HTR1F: variants seen among roughly 807,000 people sequenced by gnomAD.
HTR1F encodes the protein 5-hydroxytryptamine (serotonin) receptor 1F, G protein-coupled.
In HTR1F, 17 loss-of-function variants were observed where a neutral mutation model predicts 24.0. That is an observed-to-expected ratio of 0.71 (90% CI 0.48 to 1.06). The LOEUF (loss-of-function observed/expected upper bound fraction) is 1.06, where lower values mean the gene tolerates loss of function less well. HTR1F is among the 50% of genes least tolerant of loss of function. HTR1F has a pLI of 0.00. For missense variants in HTR1F, 391 were observed against 427.8 expected (o/e 0.91, Z 0.76); for synonymous variants, 186 against 156.8 (o/e 1.19, Z -1.39).
intron 2 of HTR1F, among the ~76,000 whole-genome samples, chr3:87,927,683 C>A (rs1270416630): frequency 6.6e-6 from 1 of 152,106 alleles, no homozygotes; most frequent in African/African-American, 2.4e-5. Flanking sequence ...ACCACCTCTA[C>A]AAATACCAAT....
At chr3:87,937,666 G>C (rs1704457833) in intron 2 of HTR1F, among the ~76,000 whole-genome samples, 1 of 152,152 alleles carries the variant, frequency 6.6e-6, no homozygotes, top group Non-Finnish European at 1.5e-5. Context: ...GCTCACGCCT[G>C]TAATCCCAGC....
intron 2 of HTR1F, among the ~76,000 whole-genome samples, chr3:87,927,440 C>G (rs115480408): frequency 3.3e-5 from 5 of 151,990 alleles, no homozygotes; most frequent in South Asian, 4.1e-4. Context: ...AAGAAGTGCA[C>G]GTAATACAGA....
intron 2 of HTR1F, among the ~76,000 whole-genome samples, chr3:87,944,040 C>A (rs545165563): frequency 1.3e-5 from 2 of 152,292 alleles, no homozygotes; most frequent in South Asian, 4.1e-4. Context: ...GGGTGCGTAA[C>A]CACCCATGGA....
At chr3:87,951,789 A>G (rs1460080865) in intron 2 of HTR1F, among the ~76,000 whole-genome samples, 2 of 152,072 alleles carry the variant, frequency 1.3e-5, no homozygotes, top group African/African-American at 4.8e-5. Flanking sequence ...TATCATACAG[A>G]GTAGTTTCAC....
At chr3:87,834,235 G>A (rs892370200) in intron 2 of HTR1F, among the ~76,000 whole-genome samples, 2 of 152,114 alleles carry the variant, frequency 1.3e-5, no homozygotes, top group Non-Finnish European at 2.9e-5. Flanking sequence ...AAGATACTGT[G>A]TGTGTATTCA....
chr3:87,850,913 T>G (rs138587930), intron 2 of HTR1F, among the ~76,000 whole-genome samples: 58 of 151,742 alleles, frequency 3.8e-4, no homozygotes, highest in African/African-American at 1.2e-3. Flanking sequence ...TTCATCACAG[T>G]TTTTTATTTA....
At chr3:87,793,956 G>A (rs1703859481) in intron 1 of HTR1F, among the ~76,000 whole-genome samples, 2 of 125,578 alleles carry the variant, frequency 1.6e-5, no homozygotes, top group African/African-American at 6.0e-5. Flanking sequence ...AAATTTTAGT[G>A]GATATGCTAT....
chr3:87,991,156 C>T lies in HTR1F; in HGVS notation c.407C>T (p.Thr136Ile). The T allele has an allele frequency of 6.2e-7, 1 of 1,614,016 alleles. No homozygotes were observed. The highest frequency in any genetic ancestry group is 8.5e-7 in the Non-Finnish European group (1 of 1,179,992). Residue 136 changes from threonine to isoleucine, a missense_variant, in exon 3 of 3, where the codon ACT (threonine) becomes ATT (isoleucine). Coordinates refer to ENST00000319595, the MANE Select transcript of HTR1F (RefSeq NM_001322209.2). ...TDAVEYARKRTPKHAGIMITI... is the reference protein window; with the variant it reads ...TDAVEYARKRIPKHAGIMITI... ...GCTGTTGAGTATGCCAGGAAAAGGA[C>T]TCCAAAGCATGCTGGCATTATGATT...
chr3:87,795,952 AT>A (rs1361829198), intron 1 of HTR1F, among the ~76,000 whole-genome samples: 6 of 152,170 alleles, frequency 3.9e-5, no homozygotes, highest in Non-Finnish European at 8.8e-5. Context: ...CTCAGAAGTA[AT>A]ATGTGTCCAT....
intron 2 of HTR1F, among the ~76,000 whole-genome samples, chr3:87,962,706 C>A (rs1705087724): frequency 6.6e-6 from 1 of 151,880 alleles, no homozygotes; most frequent in African/African-American, 2.4e-5. Context: ...TTGTACTCTT[C>A]AGTTTTATAT....
intron 2 of HTR1F, among the ~76,000 whole-genome samples, chr3:87,843,762 G>A (rs1453875860): frequency 1.3e-5 from 2 of 148,804 alleles, no homozygotes; most frequent in African/African-American, 5.0e-5. Context: ...CCACCTATGA[G>A]TGAGAATATG....
At chr3:87,803,289 T>C (rs1704023353) in intron 1 of HTR1F, among the ~76,000 whole-genome samples, 1 of 152,158 alleles carries the variant, frequency 6.6e-6, no homozygotes, top group South Asian at 2.1e-4. Flanking sequence ...ATTAAAATCC[T>C]GACAAACTTC....
chr3:87,856,548 T>G (rs1305774891), intron 2 of HTR1F, among the ~76,000 whole-genome samples: 1 of 152,164 alleles, frequency 6.6e-6, no homozygotes, highest in Non-Finnish European at 1.5e-5. Context: ...TTGTCTTGTG[T>G]AATATTGACT....
intron 2 of HTR1F, among the ~76,000 whole-genome samples, chr3:87,908,436 C>T (rs1194048255): frequency 1.3e-5 from 2 of 151,948 alleles, no homozygotes; most frequent in East Asian, 3.9e-4. Flanking sequence ...GATGTGTTTT[C>T]TTAAATATAT....
chr3:87,852,682 C>A (rs144654565), intron 2 of HTR1F, among the ~76,000 whole-genome samples: 87 of 151,782 alleles, frequency 5.7e-4, no homozygotes, highest in Non-Finnish European at 9.6e-4. Flanking sequence ...TGTTTTTCTG[C>A]TACAGCTGTA....
chr3:87,887,290 G>A (rs1334137669), intron 2 of HTR1F, among the ~76,000 whole-genome samples: 1 of 152,034 alleles, frequency 6.6e-6, no homozygotes, highest in African/African-American at 2.4e-5. Context: ...AGCTGAAACT[G>A]GATCCCTTCC....
chr3:87,889,361 T>C (rs1706028792), intron 2 of HTR1F, among the ~76,000 whole-genome samples: 1 of 152,158 alleles, frequency 6.6e-6, no homozygotes, highest in South Asian at 2.1e-4. Flanking sequence ...ATACAAAATA[T>C]TTATATATTT....
intron 2 of HTR1F, among the ~76,000 whole-genome samples, chr3:87,902,579 G>C (rs1168300790): frequency 5.3e-5 from 8 of 151,778 alleles, no homozygotes; most frequent in Non-Finnish European, 1.0e-4. Context: ...TCTTTTTTTT[G>C]TTTGTTTGTT....
chr3:87,843,920 T>A (rs1229379415), intron 2 of HTR1F, among the ~76,000 whole-genome samples: 2 of 151,618 alleles, frequency 1.3e-5, no homozygotes, highest in Non-Finnish European at 2.9e-5. Flanking sequence ...CTTAATCCAG[T>A]CTATCATTGT....
Sources: allele counts gnomAD v4.1 joint callset (sites outside exome capture counted in the v4.1 genomes callset), GRCh38; gene constraint gnomAD v4.1.1; transcripts MANE v1.5; gene names NCBI Gene and HGNC (gene_info 2026-07-23, HGNC 2026-07-21).